Variants in ATR observed in about 807,000 individuals in gnomAD.
The protein encoded by ATR is ATR checkpoint kinase, also known as serine/threonine-protein kinase ATR.
Under a neutral mutation model 305.3 loss-of-function variants are expected in ATR, and 142 were observed. That is an observed-to-expected ratio of 0.47 (90% CI 0.41 to 0.53). The LOEUF (loss-of-function observed/expected upper bound fraction) is 0.53. Ranked by LOEUF, ATR falls within the 20% of genes least tolerant of loss-of-function variation. The pLI is 0.00. For missense variants in ATR, 2,135 were observed against 3,133.1 expected (o/e 0.68, Z 7.60); for synonymous variants, 1,050 against 1,068.1 (o/e 0.98, Z 0.33).
intron 45 of ATR, among the ~76,000 whole-genome samples, chr3:142,454,026 T>G (rs1365723026): frequency 6.6e-6 from 1 of 152,226 alleles, no homozygotes; most frequent in East Asian, 1.9e-4. Flanking sequence ...TTATTCCTTC[T>G]TAAAATCCTC....
intron 38 of ATR, among the ~76,000 whole-genome samples, chr3:142,468,592 T>G (rs2071184909): frequency 6.6e-6 from 1 of 152,214 alleles, no homozygotes; most frequent in East Asian, 1.9e-4. Context: ...ATTTTTGTTT[T>G]ATGTCTCTGT....
chr3:142,486,872 T>C (rs915491203), intron 35 of ATR, among the ~76,000 whole-genome samples: 1 of 149,824 alleles, frequency 6.7e-6, no homozygotes, highest in African/African-American at 2.5e-5. Context: ...TCCCAGCACT[T>C]TGGGAGGCCC....
At position 142,493,390 on chromosome 3, in the gene ATR, G is replaced by A. The variant is rs1436343747; in HGVS notation, c.5899-79C>T. On this transcript the variant is annotated intron_variant, in intron 34 of 46. Coordinates refer to ENST00000350721, the MANE Select transcript of ATR (RefSeq NM_001184.4). ...TTCTGCAAAAGTATTAGTTCATTATGTTTTTGTACAAATCCATTTGTAATT... is the reference window on the plus strand; with the variant it reads ...TTCTGCAAAAGTATTAGTTCATTATATTTTTGTACAAATCCATTTGTAATT... 4.3e-6 allele frequency: 6 copies of A among 1,393,642 alleles called. No individual in the cohort carries two copies. The African/African-American group carries it at 7.3e-5, about 17-fold the overall frequency. The allele number at this position is 1,393,642 out of a possible 1,614,324, so 86.3% of individuals were successfully genotyped here. A position where few individuals can be genotyped will look rare whatever the true frequency, so the allele number is the denominator to read the frequency against.
chr3:142,558,052 G>C (rs2034734838), intron 8 of ATR, among the ~76,000 whole-genome samples: 1 of 152,096 alleles, frequency 6.6e-6, no homozygotes, highest in Admixed American at 6.5e-5. Context: ...TGATATGTAA[G>C]GACACATTGC....
At chr3:142,539,184 A>G (rs1483768097) in intron 18 of ATR, among the ~76,000 whole-genome samples, 1 of 152,192 alleles carries the variant, frequency 6.6e-6, no homozygotes, top group African/African-American at 2.4e-5. Context: ...TAGTAGCTAC[A>G]TTCACTTAAG....
chr3:142,496,655 C>T (rs2108334367), intron 33 of ATR, 135 bp from the exon 34 acceptor site: 1 of 884,894 alleles, frequency 1.1e-6, no homozygotes, highest in Non-Finnish European at 1.8e-6. Flanking sequence ...GTTCCCAATA[C>T]AGAACCTTCT....
chr3:142,526,726 G>A (rs573989255), intron 21 of ATR, among the ~76,000 whole-genome samples: 1 of 151,584 alleles, frequency 6.6e-6, no homozygotes, highest in East Asian at 1.9e-4. Context: ...GGATTGCTAA[G>A]TATTAACCAT....
intron 36 of ATR, among the ~76,000 whole-genome samples, chr3:142,481,229 C>T (rs559449987): frequency 3.7e-4 from 57 of 152,258 alleles, no homozygotes; most frequent in Middle Eastern, 3.4e-3. Context: ...ATCTTGGAAC[C>T]GCCCCTCTGA....
chr3:142,491,896 T>C (rs986316478), intron 35 of ATR, among the ~76,000 whole-genome samples: 1 of 152,236 alleles, frequency 6.6e-6, no homozygotes, highest in Non-Finnish European at 1.5e-5. Flanking sequence ...CTATATACAA[T>C]AGCTGTTTTT....
chr3:142,473,037 A>G (rs1488859665), intron 36 of ATR, among the ~76,000 whole-genome samples: 2 of 152,100 alleles, frequency 1.3e-5, no homozygotes, highest in Non-Finnish European at 2.9e-5. Context: ...ACATTCTCCC[A>G]TTCTATAGGT....
intron 15 of ATR, among the ~76,000 whole-genome samples, chr3:142,548,134 T>C (rs923933673): frequency 6.6e-6 from 1 of 152,170 alleles, no homozygotes; most frequent in African/African-American, 2.4e-5. Flanking sequence ...CAACTTTATT[T>C]AGAAATAAAA....
intron 35 of ATR, among the ~76,000 whole-genome samples, chr3:142,492,896 T>C (rs2108325334): frequency 6.6e-6 from 1 of 152,338 alleles, no homozygotes. Context: ...AGGGTGAGAA[T>C]AGTGATTACT....
intron 27 of ATR, among the ~76,000 whole-genome samples, chr3:142,510,812 A>G (rs1021037055): frequency 1.3e-5 from 2 of 152,196 alleles, no homozygotes; most frequent in African/African-American, 4.8e-5. Flanking sequence ...AATGGAAAAA[A>G]AAAAAAGGTT....
chr3:142,461,953 T>TAA lies in ATR; in HGVS notation c.7178_7179insTT (p.Lys2395IlefsTer8). ...TAATTTTAGTACCCTTTTCTTTATA[T>TAA]AGTTTGGTCAGAATAGGTCTCAAAC... On this transcript the variant is annotated frameshift_variant, in exon 42 of 47. Transcript: ENST00000350721. LOFTEE classifies it high-confidence loss of function. 6.2e-7 allele frequency: 1 copy of TAA among 1,613,588 alleles called. No individual in the cohort carries two copies. Among genetic ancestry groups the TAA allele is most frequent in the Non-Finnish European group, 8.5e-7 (1 of 1,179,734 alleles).
chr3:142,559,290 T>G lies in ATR; in HGVS notation c.1693A>C (p.Lys565Gln), dbSNP rs1481616236. The G allele has an allele frequency of 6.2e-7, 1 of 1,613,906 alleles. No individual in the cohort carries two copies. Among genetic ancestry groups the G allele is most frequent in the African/African-American group, 1.3e-5 (1 of 74,932 alleles). ...AAAGCATCATAAATTTTCACCACCT[T>G]ATCAATGGTTGCCTCCAGGTCCAGT... is the stretch of plus-strand genomic sequence containing the variant. Reference protein sequence around the residue: ...QKLDLEATIDKVVKIYDALIY... With the variant: ...QKLDLEATIDQVVKIYDALIY... The change falls in exon 7 of 47, where the codon AAG becomes CAG. Residue 565 changes from lysine to glutamine, a missense_variant. Transcript: ENST00000350721.
chr3:142,497,422 T>G (rs2031711931), intron 32 of ATR, among the ~76,000 whole-genome samples: 1 of 152,062 alleles, frequency 6.6e-6, no homozygotes, highest in Non-Finnish European at 1.5e-5. Flanking sequence ...CCAGGCATGG[T>G]AGCGTGCACC....
intron 16 of ATR, among the ~76,000 whole-genome samples, chr3:142,544,684 T>C (rs1396298733): frequency 6.9e-6 from 1 of 145,386 alleles, no homozygotes; most frequent in Non-Finnish European, 1.5e-5. Context: ...TTGAACTCCA[T>C]AAGAAAGTTG....
rs2071204029 is a variant in ATR at position 142,469,341 on chromosome 3, G to C, written c.6548C>G (p.Ser2183Ter). 6.2e-7 allele frequency: 1 copy of C among 1,611,772 alleles called. No homozygotes were observed. Among genetic ancestry groups the C allele is most frequent in the African/African-American group, 1.3e-5 (1 of 74,818 alleles). ...AAAGGTAAAAGACCCTTTTACCTTT[G>C]ACACAGCTGTCATCATCCACATTGC... ...QQAMWMMTAV[S>*]KSSYPMRVNR... Residue 2183 changes from serine (S) to a stop codon, truncating the protein, a stop_gained, in exon 38 of 47, where the codon TCA (serine) becomes TGA (stop). Coordinates refer to ENST00000350721, the MANE Select transcript of ATR (RefSeq NM_001184.4). LOFTEE classifies it high-confidence loss of function.
At chr3:142,514,252 G>A (rs1189081530) in intron 25 of ATR, among the ~76,000 whole-genome samples, 5 of 151,400 alleles carry the variant, frequency 3.3e-5, no homozygotes, top group East Asian at 2.0e-4. Flanking sequence ...GTGACAGAGC[G>A]AGATTCCGTC....
Sources: gnomAD v4.1 joint callset for allele counts (sites outside exome capture counted in the v4.1 genomes callset) on GRCh38, gnomAD v4.1.1 for gene constraint, MANE v1.5 for transcripts, NCBI Gene and HGNC (gene_info 2026-07-23, HGNC 2026-07-21) for gene names.